TRAPPC10: variants seen among roughly 807,000 people sequenced by gnomAD.
TRAPPC10 encodes TRAPP 130 kDa subunit.
A neutral mutation model predicts 125.5 loss-of-function variants in TRAPPC10; 23 were observed. The observed-to-expected ratio is 0.18, with a 90% CI of 0.13 to 0.26. TRAPPC10 has a LOEUF of 0.26. Ranked by LOEUF, TRAPPC10 falls within the 10% of genes least tolerant of loss-of-function variation. The pLI, the probability that TRAPPC10 is intolerant of heterozygous loss-of-function variation, is 1.00. For missense variants in TRAPPC10, 1,123 were observed against 1,308.4 expected (o/e 0.86, Z 2.19); for synonymous variants, 509 against 518.0 (o/e 0.98, Z 0.24).
intron 7 of TRAPPC10, among the ~76,000 whole-genome samples, chr21:44,067,995 C>T (rs1448562338): frequency 6.6e-6 from 1 of 151,968 alleles, no homozygotes; most frequent in Non-Finnish European, 1.5e-5. Context: ...TGGCAGGCGC[C>T]TGTAATCCCA....
chr21:44,059,600 G>C lies in TRAPPC10; in HGVS notation c.790+386G>C, dbSNP rs531967849. On this transcript the variant is annotated intron_variant, in intron 6 of 22. Transcript: ENST00000291574. This position sits in a 1 kb window ranked among gnomAD's most constrained non-coding sequence, Gnocchi z 4.4. ...GGAATGCTCGAGTGCTCATTGCTGT[G>C]AACTTATAAAATGCCCTTGGGTGTT... The C allele has an allele frequency of 1.5e-6, 1 of 664,918 alleles. No individual in the cohort carries two copies. The highest frequency in any genetic ancestry group is 2.8e-6 in the Non-Finnish European group (1 of 362,034). 41.2% of individuals were successfully genotyped at this position (664,918 alleles called of 1,614,324 possible). A position where few individuals can be genotyped will look rare whatever the true frequency, so the allele number is the denominator to read the frequency against.
chr21:44,094,313 A>T, intron 20 of TRAPPC10, 80 bp downstream of exon 20: 1 of 1,315,818 alleles, frequency 7.6e-7, no homozygotes, highest in Non-Finnish European at 1.1e-6. Flanking sequence ...TGAAGAACTG[A>T]ATAGACAGCT....
intron 3 of TRAPPC10, among the ~76,000 whole-genome samples, chr21:44,051,516 G>A (rs563859851): frequency 3.3e-5 from 5 of 152,296 alleles, no homozygotes; most frequent in Non-Finnish European, 7.3e-5. Flanking sequence ...TGTTTTCCTG[G>A]TTCTTTATGG....
chr21:44,024,232 T>C (rs2032844420), intron 1 of TRAPPC10, among the ~76,000 whole-genome samples: 2 of 152,218 alleles, frequency 1.3e-5, no homozygotes, highest in African/African-American at 4.8e-5. Flanking sequence ...CTAATTCTCA[T>C]GGGTACTTGA....
chr21:44,053,200 G>A (rs1480176682), intron 4 of TRAPPC10, among the ~76,000 whole-genome samples: 2 of 152,152 alleles, frequency 1.3e-5, no homozygotes, highest in East Asian at 3.8e-4. Flanking sequence ...GGAGGTACAT[G>A]CTCATTGTAG....
chr21:44,076,673 C>A, intron 10 of TRAPPC10, 45 bp downstream of exon 10: 1 of 1,501,612 alleles, frequency 6.7e-7, no homozygotes, highest in South Asian at 1.1e-5. Flanking sequence ...GAATACCTGT[C>A]TCTAGAAGGC....
intron 7 of TRAPPC10, among the ~76,000 whole-genome samples, chr21:44,070,663 C>A (rs1181733545): frequency 3.9e-5 from 6 of 152,224 alleles, no homozygotes; most frequent in African/African-American, 1.4e-4. Flanking sequence ...GACTCAAAGC[C>A]ATGAAGCCAT....
chr21:44,090,581 A>G (rs2038504942), intron 18 of TRAPPC10, among the ~76,000 whole-genome samples: 1 of 152,192 alleles, frequency 6.6e-6, no homozygotes, highest in Non-Finnish European at 1.5e-5. Context: ...TAAAGGCTTG[A>G]GTAGACTCCA....
At chr21:44,076,320 TTAGTTCTAAAGA>T (rs1178691069) in intron 9 of TRAPPC10, among the ~76,000 whole-genome samples, 1 of 152,236 alleles carries the variant, frequency 6.6e-6, no homozygotes, top group Non-Finnish European at 1.5e-5. Flanking sequence ...CTAAAAAAGT[TTAGTTCTAAAGA>T]TCAGAGAAAA....
At chr21:44,045,135 A>G (rs2145781172) in intron 3 of TRAPPC10, among the ~76,000 whole-genome samples, 1 of 152,116 alleles carries the variant, frequency 6.6e-6, no homozygotes, top group African/African-American at 2.4e-5. Flanking sequence ...GGGTTTCACC[A>G]TGTTGGTCAG....
chr21:44,076,751 A>G, intron 10 of TRAPPC10, 123 bp downstream of exon 10: 2 of 688,596 alleles, frequency 2.9e-6, no homozygotes, highest in Non-Finnish European at 2.5e-6. Context: ...GGTTTTTTTT[A>G]GTTTCTTTGG....
intron 7 of TRAPPC10, among the ~76,000 whole-genome samples, chr21:44,065,270 G>A (rs1210018639): frequency 6.6e-6 from 1 of 152,116 alleles, no homozygotes; most frequent in Non-Finnish European, 1.5e-5. Context: ...CCCTTGTAGC[G>A]TCGGGGTTCA....
chr21:44,018,734 C>G (rs1420609009), intron 1 of TRAPPC10, among the ~76,000 whole-genome samples: 3 of 151,828 alleles, frequency 2.0e-5, no homozygotes. Flanking sequence ...ACACATGAAC[C>G]AGTCTTTCCT....
chr21:44,069,876 T>C (rs1416400993), intron 7 of TRAPPC10, among the ~76,000 whole-genome samples: 1 of 152,022 alleles, frequency 6.6e-6, no homozygotes, highest in East Asian at 1.9e-4. Context: ...CTAAAGAAGT[T>C]AGACACAAGA....
At chr21:44,048,797 G>GTTTTTTT (rs34892092) in intron 3 of TRAPPC10, among the ~76,000 whole-genome samples, 1 of 105,612 alleles carries the variant, frequency 9.5e-6, no homozygotes, top group African/African-American at 3.6e-5. Flanking sequence ...CCCACCCTGT[G>GTTTTTTT]TTTTTTTTTT....
intron 7 of TRAPPC10, among the ~76,000 whole-genome samples, chr21:44,064,303 A>ATGTGTGTGTG (rs10526131): frequency 1.1e-4 from 16 of 148,212 alleles, no homozygotes; most frequent in African/African-American, 3.2e-4. Flanking sequence ...TGTCATAAAT[A>ATGTGTGTGTG]TGTGTGTGTG....
chr21:44,086,230 G>A (rs962689447), intron 15 of TRAPPC10, among the ~76,000 whole-genome samples: 4 of 152,120 alleles, frequency 2.6e-5, no homozygotes, highest in East Asian at 1.9e-4. Context: ...CTCTCCCCCC[G>A]GTCCTGGTAT....
chr21:44,046,676 T>G (rs1036422341), intron 3 of TRAPPC10: 22 of 267,528 alleles, frequency 8.2e-5, no homozygotes, highest in African/African-American at 3.7e-4. Context: ...GCCCGGTTAA[T>G]TTTGTATTTT....
chr21:44,077,242 G>T (rs1450922979), intron 10 of TRAPPC10, among the ~76,000 whole-genome samples: 1 of 152,114 alleles, frequency 6.6e-6, no homozygotes, highest in Admixed American at 6.6e-5. Context: ...ATATATTACA[G>T]AAAAATTCAC....
Sources: allele counts gnomAD v4.1 joint callset (sites outside exome capture counted in the v4.1 genomes callset), GRCh38; gene constraint gnomAD v4.1.1; non-coding constraint Gnocchi (gnomAD v3.1); transcripts MANE v1.5; gene names NCBI Gene and HGNC (gene_info 2026-07-23, HGNC 2026-07-21).